DHRS7C: variants seen among roughly 807,000 people sequenced by gnomAD.
The protein encoded by DHRS7C is dehydrogenase/reductase 7C, also known as dehydrogenase/reductase SDR family member 7C.
A neutral mutation model predicts 29.6 loss-of-function variants in DHRS7C; 28 were observed. That is an observed-to-expected ratio of 0.95 (90% CI 0.70 to 1.30). The LOEUF is 1.30. Among genes scored for constraint, DHRS7C ranks in the 50% most tolerant of loss-of-function variants. The pLI, the probability that DHRS7C is intolerant of heterozygous loss-of-function variation, is 0.00. For missense variants in DHRS7C, 403 were observed against 393.3 expected (o/e 1.02, Z -0.21); for synonymous variants, 158 against 160.2 (o/e 0.99, Z 0.10).
intron 3 of DHRS7C, 126 bp downstream of exon 3, chr17:9,779,699 G>A: frequency 1.1e-6 from 1 of 937,246 alleles, no homozygotes; most frequent in Non-Finnish European, 1.6e-6. Flanking sequence ...TCACCCAATA[G>A]GTAGGGAATT....
chr17:9,777,605 G>A (rs1236544026), intron 3 of DHRS7C, among the ~76,000 whole-genome samples: 1 of 151,758 alleles, frequency 6.6e-6, no homozygotes, highest in Non-Finnish European at 1.5e-5. Context: ...AGATGCAGGG[G>A]GAACACGTGC....
chr17:9,787,901 G>A (rs923732442), intron 1 of DHRS7C, among the ~76,000 whole-genome samples: 7 of 152,026 alleles, frequency 4.6e-5, no homozygotes, highest in Non-Finnish European at 1.0e-4. Flanking sequence ...AGATATGCGG[G>A]GGTCTTACTA....
rs1289112014 is a variant in DHRS7C, at chr17:9,791,321, C to G, written c.-37G>C. ...GGACAACGGAGTAAAAGGGGATTGG[C>G]TTTGCAAAGAGACGCTGATCAGGAC... On this transcript the variant is annotated 5_prime_UTR_variant, in exon 1 of 6. Coordinates refer to ENST00000571134, the MANE Select transcript of DHRS7C (RefSeq NM_001105571.3). The G allele has an allele frequency of 6.2e-7, 1 of 1,606,748 alleles. No homozygotes were observed. Among genetic ancestry groups the G allele is most frequent in the Non-Finnish European group, 8.5e-7 (1 of 1,176,478 alleles).
At chr17:9,782,529 G>T (rs994696962) in intron 1 of DHRS7C, among the ~76,000 whole-genome samples, 1 of 150,834 alleles carries the variant, frequency 6.6e-6, no homozygotes, top group African/African-American at 2.4e-5. Context: ...GTACACCAGT[G>T]TCAATCAGTC....
In DHRS7C at chr17:9,775,474, C is replaced by T. The variant is rs767548483; in HGVS notation, c.571+1719G>A. Among the ~76,000 whole-genome samples, 9 of 152,152 alleles carry T rather than the reference C, an allele frequency of 5.9e-5. No homozygotes were observed. The highest frequency in any genetic ancestry group is 1.2e-4 in the African/African-American group (5 of 41,432). On this transcript the variant is annotated intron_variant, in intron 4 of 5. Coordinates refer to ENST00000571134, the MANE Select transcript of DHRS7C (RefSeq NM_001105571.3). This position sits in a 1 kb window ranked among gnomAD's most constrained non-coding sequence, Gnocchi z 4.2. ...AGCCTGGGGCTTTGGACATTGAGCA[C>T]GGCTCCTCCACAGTCTCTTTCCTCT...
intron 2 of DHRS7C, among the ~76,000 whole-genome samples, chr17:9,780,574 T>A (rs1444498520): frequency 6.6e-6 from 1 of 152,236 alleles, no homozygotes; most frequent in East Asian, 1.9e-4. Flanking sequence ...TCTATTGATC[T>A]AGGGATGTGT....
rs573118389 is a variant in DHRS7C, at chr17:9,781,499, C to T, written c.250G>A (p.Val84Met). Residue 84 changes from valine (V) to methionine (M), a missense_variant, in exon 2 of 6, where the codon GTG becomes ATG. By Grantham distance (21) the Val-to-Met change is conservative. Coordinates refer to ENST00000571134, the MANE Select transcript of DHRS7C (RefSeq NM_001105571.3). The stretch of plus-strand genomic sequence containing the variant: ...GACCTTACCTTGCTGGGGTCAGCCA[C>T]GCTGATCAAGGCATCATATAGGTTC... ...LENLYDALIS[V>M]ADPSKTFTPK... The T allele has an allele frequency of 1.8e-5, 29 of 1,613,964 alleles. 1 individual carries two copies. The highest frequency in any genetic ancestry group is 8.0e-5 in the African/African-American group (6 of 75,054).
intron 4 of DHRS7C, among the ~76,000 whole-genome samples, chr17:9,773,618 A>T (rs1170638708): frequency 6.6e-6 from 1 of 151,490 alleles, no homozygotes; most frequent in Non-Finnish European, 1.5e-5. Context: ...AGGTGGATGT[A>T]CTGTGGTTCC....
In DHRS7C at chr17:9,781,651, T is replaced by A; in HGVS notation, c.155-57A>T. ...ACTGTGTGGATGGAGCCACTGACAG[T>A]GAACCCCCTCTCTTGGGAACTCATG... On this transcript the variant is annotated intron_variant, in intron 1 of 5. Transcript: ENST00000571134. 2.6e-6 allele frequency: 4 copies of A among 1,551,262 alleles called. No individual in the cohort carries two copies. In the East Asian group the frequency reaches 9.0e-5, roughly 35 times the overall value.
intron 1 of DHRS7C, among the ~76,000 whole-genome samples, chr17:9,784,891 C>T (rs1486274745): frequency 6.6e-6 from 1 of 152,112 alleles, no homozygotes; most frequent in Non-Finnish European, 1.5e-5. Context: ...TGACATGGAA[C>T]GAAGTTCGCA....
chr17:9,774,435 C>A lies in DHRS7C; in HGVS notation c.572-1513G>T, dbSNP rs56267073. ...GAGTAACTGAGATTATGGGTACACA[C>A]CATCATGCCTGGCTAATTTTTGTAT... On this transcript the variant is annotated intron_variant, in intron 4 of 5. Transcript: ENST00000571134. This position sits in a 1 kb window ranked among gnomAD's most constrained non-coding sequence, Gnocchi z 5.0. Among the ~76,000 whole-genome samples the A allele has an allele frequency of 5.2e-3, 799 of 152,252 alleles. 10 individuals carry two copies. Among genetic ancestry groups the A allele is most frequent in the African/African-American group, 0.018 (768 of 41,542 alleles).
intron 3 of DHRS7C, 36 bp downstream of exon 3, chr17:9,779,789 G>A: frequency 6.4e-7 from 1 of 1,571,488 alleles, no homozygotes; most frequent in Non-Finnish European, 8.7e-7. Context: ...GAATCTGGTG[G>A]CCCAGATACC....
chr17:9,781,401 G>T, intron 2 of DHRS7C, 81 bp downstream of exon 2: 1 of 1,317,902 alleles, frequency 7.6e-7, no homozygotes, highest in Non-Finnish European at 1.1e-6. Context: ...TCCTCCACTT[G>T]GTCCAAGAGC....
At chr17:9,772,204 A>G (rs1439084270) in intron 5 of DHRS7C, among the ~76,000 whole-genome samples, 1 of 152,184 alleles carries the variant, frequency 6.6e-6, no homozygotes, top group Admixed American at 6.5e-5. Flanking sequence ...GCTGGTTGCT[A>G]TTCCAGAACC....
chr17:9,781,858 C>A (rs75829790), intron 1 of DHRS7C, among the ~76,000 whole-genome samples: 4,898 of 152,252 alleles, frequency 0.032, 255 homozygotes, highest in African/African-American at 0.11. Flanking sequence ...ATTGGAAATT[C>A]TTCCTTACAC....
intron 2 of DHRS7C, among the ~76,000 whole-genome samples, chr17:9,780,687 C>T (rs574155964): frequency 3.9e-5 from 6 of 152,120 alleles, no homozygotes; most frequent in African/African-American, 7.2e-5. Flanking sequence ...GAGAGGGTTC[C>T]GTAGTCAAAT....
At chr17:9,784,243 C>A (rs866056814) in intron 1 of DHRS7C, among the ~76,000 whole-genome samples, 1 of 151,988 alleles carries the variant, frequency 6.6e-6, no homozygotes, top group Non-Finnish European at 1.5e-5. Flanking sequence ...TAGGCCAAGG[C>A]GGGCAGATCA....
Position 9,777,109 on chromosome 17 carries a change from T to C in DHRS7C, c.571+84A>G, listed in dbSNP as rs543793728. 6 of 1,147,006 alleles carry C rather than the reference T, an allele frequency of 5.2e-6. No homozygotes were observed. The Admixed American group carries it at 1.6e-4, about 30-fold the overall frequency. The allele number at this position is 1,147,006 out of a possible 1,614,324, so 71.1% of individuals were successfully genotyped here. A position where few individuals can be genotyped will look rare whatever the true frequency, so the allele number is the denominator to read the frequency against. On this transcript the variant is annotated intron_variant, in intron 4 of 5. Coordinates refer to ENST00000571134, the MANE Select transcript of DHRS7C (RefSeq NM_001105571.3). The stretch of plus-strand genomic sequence containing the variant: ...TTGGACCCTTTCCCCTGTGACCATC[T>C]GCCTAGTCTTAGACATAACAGCTCT...
intron 1 of DHRS7C, 56 bp from the exon 2 acceptor site, chr17:9,781,650 G>A: frequency 6.4e-7 from 1 of 1,551,186 alleles, no homozygotes; most frequent in Non-Finnish European, 8.9e-7. Flanking sequence ...GCCACTGACA[G>A]TGAACCCCCT....
Sources: allele counts gnomAD v4.1 joint callset (sites outside exome capture counted in the v4.1 genomes callset), GRCh38; gene constraint gnomAD v4.1.1; non-coding constraint Gnocchi (gnomAD v3.1); transcripts MANE v1.5; gene names NCBI Gene and HGNC (gene_info 2026-07-23, HGNC 2026-07-21).